IL22RA2: variants seen among roughly 807,000 people sequenced by gnomAD.
IL22RA2 encodes interleukin-22 receptor subunit alpha-2.
In IL22RA2, 39 loss-of-function variants were observed where a neutral mutation model predicts 30.7. The observed-to-expected ratio is 1.27, with a 90% CI of 0.98 to 1.66. IL22RA2 has a LOEUF of 1.66. IL22RA2 is among the 40% of genes most tolerant of loss of function. The pLI is 0.00. For missense variants in IL22RA2, 315 were observed against 312.7 expected, an observed-to-expected ratio of 1.01 and a Z score of -0.05; for synonymous variants, 103 against 105.0, an observed-to-expected ratio of 0.98 and a Z score of 0.11.
chr6:137,166,901 C>A (rs549819590), intron 1 of IL22RA2, among the ~76,000 whole-genome samples: 1 of 152,308 alleles, frequency 6.6e-6, no homozygotes, highest in Middle Eastern at 3.4e-3. Flanking sequence ...GCCAACATGG[C>A]CCCCAGGGAT....
At position 137,150,185 on chromosome 6, in the gene IL22RA2, G is replaced by C. The variant is rs28362168; in HGVS notation, c.473-2294C>G. On this transcript the variant is annotated intron_variant, in intron 5 of 6. Coordinates refer to ENST00000296980, the MANE Select transcript of IL22RA2 (RefSeq NM_052962.3). ...TGCTCAAAAACAGGTGTCAGAGGAG[G>C]CAATGCATGCAGCTGGCTCATTAGT... Among the ~76,000 whole-genome samples the C allele has an allele frequency of 8.3e-3, 1,258 of 152,256 alleles. 30 individuals are homozygous for C. Among genetic ancestry groups the C allele is most frequent in the African/African-American group, 0.029 (1,190 of 41,540 alleles).
At position 137,145,420 on chromosome 6, in the gene IL22RA2, G is replaced by A. The variant is rs949335025; in HGVS notation, c.*204C>T. 3.0e-5 allele frequency: 13 copies of A among 433,192 alleles called. No individual in the cohort carries two copies. The highest frequency in any genetic ancestry group is 5.9e-4 in the Middle Eastern group (1 of 1,704). 26.8% of individuals were successfully genotyped at this position (433,192 alleles called of 1,614,324 possible). On this transcript the variant is annotated 3_prime_UTR_variant, in exon 7 of 7. Transcript: ENST00000296980. ...CCTCATCTTTACATTTCAATTTTTC[G>A]GGGGGAATGTCGTTCAAATATAGTT...
At chr6:137,149,674 T>C (rs1778248649) in intron 5 of IL22RA2, among the ~76,000 whole-genome samples, 1 of 152,240 alleles carries the variant, frequency 6.6e-6, no homozygotes, top group Non-Finnish European at 1.5e-5. Flanking sequence ...CAAAATGATC[T>C]TTTCTATACA....
At chr6:137,155,432 T>C (rs1384266114) in intron 4 of IL22RA2, among the ~76,000 whole-genome samples, 2 of 151,842 alleles carry the variant, frequency 1.3e-5, no homozygotes, top group Non-Finnish European at 2.9e-5. Flanking sequence ...TTCTTGCTGG[T>C]GGGGACTCTC....
chr6:137,147,776 T>A lies in IL22RA2; in HGVS notation c.588A>T (p.Glu196Asp). 1 of 1,605,474 alleles carries A rather than the reference T, an allele frequency of 6.2e-7. No individual in the cohort carries two copies. The change falls in exon 6 of 7, where the codon GAA becomes GAT. Residue 196 changes from glutamate (E) to aspartate (D), a missense_variant. Transcript: ENST00000296980. ...CTCGGTATAGTAGTTCATAGTAATC[T>A]TCTATAGATACATTTTTTTCCTTTT... ...RYQKEKNVSI[E>D]DYYELLYRVF...
At chr6:137,168,464 CT>C (rs1778665209) in intron 1 of IL22RA2, among the ~76,000 whole-genome samples, 1 of 152,194 alleles carries the variant, frequency 6.6e-6, no homozygotes, top group African/African-American at 2.4e-5. Flanking sequence ...ATTTTGATGC[CT>C]GCCAAGCTGC....
In IL22RA2 at chr6:137,145,681, C is replaced by G; in HGVS notation, c.735G>C (p.Gln245His). The change falls in exon 7 of 7, where the codon CAG (glutamine) becomes CAC (histidine). Residue 245 changes from glutamine to histidine, a missense_variant. Coordinates refer to ENST00000296980, the MANE Select transcript of IL22RA2 (RefSeq NM_052962.3). ...TCTGACTTCTTCTGTCTAACATGGG[C>G]TGATATATTTCAGCCACTACACAGT... ...SSYCVVAEIY[Q>H]PMLDRRSQRS... 6.2e-7 allele frequency: 1 copy of G among 1,613,508 alleles called. No individual in the cohort carries two copies. Among genetic ancestry groups the G allele is most frequent in the Non-Finnish European group, 8.5e-7 (1 of 1,179,704 alleles).
At chr6:137,165,762 A>G (rs1778614682) in intron 1 of IL22RA2, among the ~76,000 whole-genome samples, 1 of 152,214 alleles carries the variant, frequency 6.6e-6, no homozygotes, top group African/African-American at 2.4e-5. Flanking sequence ...AGAAGGGCAC[A>G]TGACTCTAAA....
At chr6:137,164,734 GTGC>G (rs1473649867) in intron 1 of IL22RA2, among the ~76,000 whole-genome samples, 2 of 152,202 alleles carry the variant, frequency 1.3e-5, no homozygotes, top group African/African-American at 4.8e-5. Flanking sequence ...AGGTCGGTCC[GTGC>G]CCAAGCAATG....
chr6:137,161,224 G>A (rs1042076448), intron 2 of IL22RA2, among the ~76,000 whole-genome samples: 17 of 152,230 alleles, frequency 1.1e-4, no homozygotes, highest in Admixed American at 3.3e-4. Flanking sequence ...AATTGAGGGT[G>A]TTAAGTAAAT....
intron 1 of IL22RA2, among the ~76,000 whole-genome samples, chr6:137,164,038 G>A (rs984218675): frequency 4.6e-5 from 7 of 152,150 alleles, no homozygotes; most frequent in Admixed American, 4.6e-4. Context: ...CCTGTAATAG[G>A]ACCCAGTCTG....
At position 137,145,542 on chromosome 6, in the gene IL22RA2, A is replaced by T; in HGVS notation, c.*82T>A. 7.6e-7 allele frequency: 1 copy of T among 1,308,292 alleles called. No homozygotes were observed. Among genetic ancestry groups the T allele is most frequent in the Non-Finnish European group, 1.0e-6 (1 of 958,162 alleles). The allele number at this position is 1,308,292 out of a possible 1,614,324, so 81.0% of individuals were successfully genotyped here. A position where few individuals can be genotyped will look rare whatever the true frequency, so the allele number is the denominator to read the frequency against. On this transcript the variant is annotated 3_prime_UTR_variant, in exon 7 of 7. Transcript: ENST00000296980. Reference sequence around the variant, plus strand: ...TTTAAGAAAATACAAAAACAATTTTAAATAAGATCCTTCAAACACGAGTCA... The same window carrying T: ...TTTAAGAAAATACAAAAACAATTTTTAATAAGATCCTTCAAACACGAGTCA...
rs1778124258 is a variant in IL22RA2 at position 137,143,986 on chromosome 6, C to A, written c.*1638G>T. On this transcript the variant is annotated 3_prime_UTR_variant, in exon 7 of 7. Transcript: ENST00000296980. ...AACAAAACTTGATCCTATCTAATAA[C>A]TTTCATGAAACAACCATAAATGAAT... 1 of 152,150 alleles carries A rather than the reference C, an allele frequency of 6.6e-6. No individual in the cohort carries two copies. Among genetic ancestry groups the A allele is most frequent in the Non-Finnish European group, 1.5e-5 (1 of 68,014 alleles). The allele number at this position is 152,150 out of a possible 1,614,324, so 9.4% of individuals were successfully genotyped here.
At chr6:137,149,931 G>A (rs1178606377) in intron 5 of IL22RA2, among the ~76,000 whole-genome samples, 2 of 151,968 alleles carry the variant, frequency 1.3e-5, no homozygotes, top group African/African-American at 4.8e-5. Flanking sequence ...CTCCTACCTC[G>A]GCCTCCCAAA....
chr6:137,167,696 AG>A (rs1275965355), intron 1 of IL22RA2, among the ~76,000 whole-genome samples: 2 of 152,214 alleles, frequency 1.3e-5, no homozygotes, highest in African/African-American at 4.8e-5. Context: ...TGAAACCAGA[AG>A]CAGCCACCAC....
At chr6:137,156,979 A>T in intron 3 of IL22RA2, 125 bp from the exon 4 acceptor site, 3 of 1,279,472 alleles carry the variant, frequency 2.3e-6, no homozygotes, top group Non-Finnish European at 3.2e-6. Flanking sequence ...AAGAGTGAGA[A>T]CTCACTCAAC....
intron 1 of IL22RA2, among the ~76,000 whole-genome samples, chr6:137,165,789 G>A (rs1778615037): frequency 6.6e-6 from 1 of 152,152 alleles, no homozygotes; most frequent in Non-Finnish European, 1.5e-5. Flanking sequence ...TCAAAGAAAA[G>A]CCATGATAAA....
At chr6:137,170,740 A>C (rs373516540) in intron 1 of IL22RA2, among the ~76,000 whole-genome samples, 9 of 152,284 alleles carry the variant, frequency 5.9e-5, no homozygotes, top group African/African-American at 9.6e-5. Context: ...CAGGGCTTAC[A>C]TACCACCGGG....
chr6:137,156,102 G>C (rs1180307972), intron 4 of IL22RA2, among the ~76,000 whole-genome samples: 1 of 152,188 alleles, frequency 6.6e-6, no homozygotes, highest in Non-Finnish European at 1.5e-5. Context: ...GTTGGGAGAG[G>C]GGGAGGGAAT....
Sources: gnomAD v4.1 joint callset for allele counts (sites outside exome capture counted in the v4.1 genomes callset) on GRCh38, gnomAD v4.1.1 for gene constraint, MANE v1.5 for transcripts, NCBI Gene and HGNC (gene_info 2026-07-23, HGNC 2026-07-21) for gene names.